KCNMA1: variants seen among roughly 807,000 people sequenced by gnomAD.
The protein encoded by KCNMA1 is Calcium-activated potassium channel subunit alpha-1.
KCNMA1 carries 29 observed loss-of-function variants against 140.0 expected under a neutral mutation model. The ratio of observed to expected loss-of-function variants is 0.21; its 90% CI spans 0.15 to 0.28. The LOEUF (loss-of-function observed/expected upper bound fraction) is 0.28. Among genes scored for constraint, KCNMA1 ranks in the 10% least tolerant of loss-of-function variants. The pLI is 1.00. For missense variants in KCNMA1, 880 were observed against 1,602.2 expected, an observed-to-expected ratio of 0.55 and a Z score of 7.70; for synonymous variants, 612 against 611.9, an observed-to-expected ratio of 1.00 and a Z score of 0.00.
In KCNMA1 at chr10:77,030,792, T is replaced by C. The variant is rs190637291; in HGVS notation, c.1860-2901A>G. ...GATGGACCCGCAGATCTGAGTCCTC[T>C]TCCAGTTTTAAATCCATAACTTCAA... On this transcript the variant is annotated intron_variant, in intron 15 of 27. Coordinates refer to ENST00000286628, the MANE Select transcript of KCNMA1 (RefSeq NM_001161352.2). Among the ~76,000 whole-genome samples, 304 of 152,320 alleles carry C rather than the reference T, an allele frequency of 2.0e-3. 1 individual carries two copies. The highest frequency in any genetic ancestry group is 0.01 in the Middle Eastern group (3 of 294).
intron 16 of KCNMA1, 93 bp from the exon 17 acceptor site, chr10:77,019,192 T>C: frequency 1.3e-6 from 1 of 756,168 alleles, no homozygotes; most frequent in Non-Finnish European, 2.3e-6. Flanking sequence ...GTTGTGTTTA[T>C]AGGGGGCCCA....
rs536094803 is a variant in KCNMA1 at position 77,025,563 on chromosome 10, G to A, written c.1928+2260C>T. On this transcript the variant is annotated intron_variant, in intron 16 of 27. Transcript: ENST00000286628. ...AACCTTTGTTTCAAATCACTTGAAG[G>A]ATGCATGTGAAAACAAGGTTTTTTG... 174 of 904,158 alleles carry A rather than the reference G, an allele frequency of 1.9e-4. 1 individual carries two copies. Among genetic ancestry groups the A allele is most frequent in the South Asian group, 6.5e-4 (45 of 69,494 alleles). The allele number at this position is 904,158 out of a possible 1,614,324, so 56.0% of individuals were successfully genotyped here. A position where few individuals can be genotyped will look rare whatever the true frequency, so the allele number is the denominator to read the frequency against.
intron 23 of KCNMA1, among the ~76,000 whole-genome samples, chr10:76,924,240 C>T (rs539822268): frequency 2.0e-5 from 3 of 152,074 alleles, no homozygotes; most frequent in South Asian, 2.1e-4. Context: ...TATGCATCCA[C>T]TAAAAATAAT....
At chr10:77,351,904 A>C (rs149850876) in intron 2 of KCNMA1, among the ~76,000 whole-genome samples, 78 of 152,334 alleles carry the variant, frequency 5.1e-4, no homozygotes, top group African/African-American at 1.9e-3. Context: ...AAACTAGTAG[A>C]CTGGATTGTC....
intron 1 of KCNMA1, among the ~76,000 whole-genome samples, chr10:77,520,034 A>AGGGCCG (rs1453988324): frequency 1.6e-4 from 1 of 6,364 alleles, no homozygotes; most frequent in Non-Finnish European, 2.4e-4. Flanking sequence ...ATGCAGTGTG[A>AGGGCCG]GGGTGTGCAG....
chr10:77,560,366 A>C (rs953108417), intron 1 of KCNMA1, among the ~76,000 whole-genome samples: 1 of 152,212 alleles, frequency 6.6e-6, no homozygotes, highest in African/African-American at 2.4e-5. Context: ...GAACATAAGT[A>C]TTGGGTTGAG....
intron 15 of KCNMA1, among the ~76,000 whole-genome samples, chr10:77,033,081 C>G (rs2094055710): frequency 6.6e-6 from 1 of 152,150 alleles, no homozygotes; most frequent in Admixed American, 6.5e-5. Context: ...AGCCCCTCTT[C>G]AGCTATCCAG....
At chr10:77,260,570 G>A (rs1025888789) in intron 2 of KCNMA1, among the ~76,000 whole-genome samples, 4 of 152,102 alleles carry the variant, frequency 2.6e-5, no homozygotes, top group South Asian at 2.1e-4. Flanking sequence ...TTAGTTGGGC[G>A]TGGTGCTGTG....
intron 3 of KCNMA1, among the ~76,000 whole-genome samples, chr10:77,235,401 T>A (rs1456155823): frequency 6.6e-6 from 1 of 152,128 alleles, no homozygotes; most frequent in Non-Finnish European, 1.5e-5. Flanking sequence ...TTCTCCTTAC[T>A]AAAGTTGTCA....
intron 23 of KCNMA1, among the ~76,000 whole-genome samples, chr10:76,934,790 C>T (rs1332335551): frequency 6.6e-6 from 1 of 152,142 alleles, no homozygotes; most frequent in Non-Finnish European, 1.5e-5. Context: ...CTGTGGTTTC[C>T]CCACTATAAG....
chr10:77,056,718 T>C (rs1348412624), intron 14 of KCNMA1, among the ~76,000 whole-genome samples: 3 of 152,114 alleles, frequency 2.0e-5, no homozygotes, highest in Non-Finnish European at 4.4e-5. Flanking sequence ...ATGCATAATT[T>C]AAAAATCAAA....
chr10:77,047,985 T>G (rs1233368657), intron 14 of KCNMA1, among the ~76,000 whole-genome samples: 2 of 151,978 alleles, frequency 1.3e-5, no homozygotes, highest in African/African-American at 4.8e-5. Flanking sequence ...TTGCAAAATC[T>G]AATAAAAATG....
At chr10:77,356,865 G>T (rs570276963) in intron 2 of KCNMA1, among the ~76,000 whole-genome samples, 11 of 152,244 alleles carry the variant, frequency 7.2e-5, no homozygotes, top group Non-Finnish European at 1.3e-4. Flanking sequence ...TGTGGTGATT[G>T]GTTCAGAAGC....
At chr10:77,225,176 G>A (rs559729661) in intron 3 of KCNMA1, among the ~76,000 whole-genome samples, 168 of 152,274 alleles carry the variant, frequency 1.1e-3, no homozygotes, top group African/African-American at 3.9e-3. Flanking sequence ...GAATGTCAAC[G>A]GGCAGGCACA....
chr10:77,222,668 T>C (rs1320819711), intron 3 of KCNMA1, among the ~76,000 whole-genome samples: 1 of 152,230 alleles, frequency 6.6e-6, no homozygotes, highest in African/African-American at 2.4e-5. Context: ...CTGCTCCTGT[T>C]GTATGGGCTA....
At chr10:77,394,208 C>T (rs1424159353) in intron 2 of KCNMA1, among the ~76,000 whole-genome samples, 15 of 152,216 alleles carry the variant, frequency 9.9e-5, no homozygotes. Flanking sequence ...AGTGGGCTGT[C>T]CCTGGACCAG....
At chr10:77,133,397 C>A (rs1031409321) in intron 5 of KCNMA1, among the ~76,000 whole-genome samples, 1 of 151,732 alleles carries the variant, frequency 6.6e-6, no homozygotes, top group African/African-American at 2.4e-5. Flanking sequence ...AAAAGACATA[C>A]ACTGCAAACA....
At chr10:77,469,029 C>A (rs2098094790) in intron 1 of KCNMA1, among the ~76,000 whole-genome samples, 1 of 152,174 alleles carries the variant, frequency 6.6e-6, no homozygotes, top group Admixed American at 6.5e-5. Flanking sequence ...CCCTCCCCGA[C>A]CACTTCGCCC....
intron 1 of KCNMA1, among the ~76,000 whole-genome samples, chr10:77,438,917 A>T (rs2097320389): frequency 1.3e-5 from 2 of 152,060 alleles, no homozygotes; most frequent in Non-Finnish European, 2.9e-5. Context: ...TCTCCACTAA[A>T]AATACAAAAA....
Sources: gnomAD v4.1 joint callset for allele counts (sites outside exome capture counted in the v4.1 genomes callset) on GRCh38, gnomAD v4.1.1 for gene constraint, MANE v1.5 for transcripts, NCBI Gene and HGNC (gene_info 2026-07-23, HGNC 2026-07-21) for gene names.